The following TFAP2D variants were observed in gnomAD, a reference collection of about 807,000 sequenced individuals.
TFAP2D encodes transcription factor AP-2 delta, also known as transcription factor AP-2-delta.
Under a neutral mutation model 43.6 loss-of-function variants are expected in TFAP2D, and 9 were observed. The observed-to-expected ratio is 0.21, with a 90% CI of 0.12 to 0.36. TFAP2D has a LOEUF of 0.36. TFAP2D is among the 10% of genes least tolerant of loss of function. The probability of loss-of-function intolerance (pLI) is 1.00; values close to 1 mark genes in which losing one functional copy is unlikely to be tolerated. For synonymous variants in TFAP2D, 256 were observed against 224.9 expected (o/e 1.14, Z -1.24); for missense variants, 513 against 561.4 (o/e 0.91, Z 0.87).
intron 2 of TFAP2D, among the ~76,000 whole-genome samples, chr6:50,716,413 C>T (rs1768628553): frequency 7.0e-6 from 1 of 143,350 alleles, no homozygotes; most frequent in Non-Finnish European, 1.5e-5. Context: ...GAGGCAGTAA[C>T]GGTAATGAAA....
In TFAP2D at chr6:50,744,979, G is replaced by T. The variant is rs6929373; in HGVS notation, c.884-128G>T. The T allele has an allele frequency of 0.046, 54,639 of 1,186,138 alleles. 1,452 individuals are homozygous for T. Among genetic ancestry groups the T allele is most frequent in the Non-Finnish European group, 0.048 (41,882 of 868,654 alleles). The allele number at this position is 1,186,138 out of a possible 1,614,324, so 73.5% of individuals were successfully genotyped here. A position where few individuals can be genotyped will look rare whatever the true frequency, so the allele number is the denominator to read the frequency against. Reference sequence around the variant, plus strand: ...TCCCCCCAAAAAGGTCTTTTTTCTTGAATAGTTTAAGTAGGAAAAATGATT... The same window carrying T: ...TCCCCCCAAAAAGGTCTTTTTTCTTTAATAGTTTAAGTAGGAAAAATGATT... On this transcript the variant is annotated intron_variant, in intron 5 of 7. Transcript: ENST00000008391.
At chr6:50,722,550 C>A (rs1361678705) in intron 3 of TFAP2D, among the ~76,000 whole-genome samples, 1 of 151,874 alleles carries the variant, frequency 6.6e-6, no homozygotes, top group African/African-American at 2.4e-5. Context: ...TCCCTTATGG[C>A]CGCCTCCCCT....
intron 7 of TFAP2D, among the ~76,000 whole-genome samples, chr6:50,752,330 A>G (rs1213226530): frequency 1.3e-5 from 2 of 151,954 alleles, no homozygotes; most frequent in African/African-American, 4.8e-5. Context: ...CCCCATATGG[A>G]AGTGAGAAAG....
chr6:50,762,928 C>T lies in TFAP2D; in HGVS notation c.1140-9717C>T, dbSNP rs532149183. Among the ~76,000 whole-genome samples, 8 of 152,110 alleles carry T rather than the reference C, an allele frequency of 5.3e-5. No individual in the cohort carries two copies. The East Asian group carries it at 9.7e-4, about 18-fold the overall frequency. On this transcript the variant is annotated intron_variant, in intron 7 of 7. Coordinates refer to ENST00000008391, the MANE Select transcript of TFAP2D (RefSeq NM_172238.4). ...CCAAGGTAGATGCAGTCTCTAAGTC[C>T]GCCTAGCTATGCTCCAAACCTCAAA...
Position 50,743,485 on chromosome 6 carries a change from A to C in TFAP2D, c.884-1622A>C, listed in dbSNP as rs569621595. Among the ~76,000 whole-genome samples, 7 of 152,144 alleles carry C rather than the reference A, an allele frequency of 4.6e-5. 2 individuals carry two copies. In the South Asian group the frequency reaches 1.5e-3, roughly 32 times the overall value. ...CAGTCTCAACTTCATGGTGTCAAGC[A>C]ATCCTCCGGCCTCAGACTCCTGAGT... On this transcript the variant is annotated intron_variant, in intron 5 of 7. Coordinates refer to ENST00000008391, the MANE Select transcript of TFAP2D (RefSeq NM_172238.4).
chr6:50,744,960 C>G lies in TFAP2D; in HGVS notation c.884-147C>G, dbSNP rs551521679. On this transcript the variant is annotated intron_variant, in intron 5 of 7. Transcript: ENST00000008391. ...TCCTCATTACCTCCCCTCCTCCCCC[C>G]AAAAAGGTCTTTTTTCTTGAATAGT... 3 of 953,244 alleles carry G rather than the reference C, an allele frequency of 3.1e-6. 1 individual carries two copies. Among genetic ancestry groups the G allele is most frequent in the African/African-American group, 3.4e-5 (2 of 59,138 alleles). The allele number at this position is 953,244 out of a possible 1,614,324, so 59.0% of individuals were successfully genotyped here.
intron 5 of TFAP2D, among the ~76,000 whole-genome samples, chr6:50,740,423 TTTTG>T (rs534285386): frequency 7.8e-4 from 119 of 152,036 alleles, no homozygotes; most frequent in Non-Finnish European, 8.7e-4. Flanking sequence ...AAAGAAAGAA[TTTTG>T]TTTGTTTGTT....
intron 7 of TFAP2D, among the ~76,000 whole-genome samples, chr6:50,751,555 T>G (rs2113886329): frequency 6.6e-6 from 1 of 152,034 alleles, no homozygotes; most frequent in Middle Eastern, 3.4e-3. Flanking sequence ...GCAGAGTTAA[T>G]TAGACAAAGG....
At chr6:50,772,529 A>G in intron 7 of TFAP2D, 116 bp from the exon 8 acceptor site, 4 of 868,548 alleles carry the variant, frequency 4.6e-6, no homozygotes, top group Non-Finnish European at 7.2e-6. Flanking sequence ...AGCATCATTT[A>G]GGAACACAAT....
intron 7 of TFAP2D, among the ~76,000 whole-genome samples, chr6:50,769,657 G>A (rs910575901): frequency 2.6e-5 from 4 of 152,180 alleles, no homozygotes; most frequent in Non-Finnish European, 4.4e-5. Context: ...CATCAAGGCT[G>A]CCCAAGTACA....
chr6:50,765,168 C>T (rs1429668182), intron 7 of TFAP2D, among the ~76,000 whole-genome samples: 2 of 152,246 alleles, frequency 1.3e-5, no homozygotes, highest in East Asian at 1.9e-4. Flanking sequence ...ATATAAATGA[C>T]ACCATACAGT....
chr6:50,722,040 G>A (rs1409982655), intron 3 of TFAP2D, among the ~76,000 whole-genome samples: 2 of 152,154 alleles, frequency 1.3e-5, no homozygotes, highest in African/African-American at 4.8e-5. Flanking sequence ...AAATAGCGTC[G>A]CCCTGACTCA....
At chr6:50,724,461 G>T (rs1768776344) in intron 3 of TFAP2D, among the ~76,000 whole-genome samples, 1 of 152,186 alleles carries the variant, frequency 6.6e-6, no homozygotes, top group Admixed American at 6.5e-5. Context: ...GTGGGGCGGC[G>T]CTGTGGCTTT....
Position 50,745,895 on chromosome 6 carries a change from C to T in TFAP2D, c.1025+647C>T, listed in dbSNP as rs538008782. 2.0e-5 allele frequency among the ~76,000 whole-genome samples: 3 copies of T among 151,912 alleles called. No homozygotes were observed. In the South Asian group the frequency reaches 6.2e-4, roughly 32 times the overall value. ...AACGATGTAGACAAATTTGACAATA[C>T]AATAGGAAAGGGGGAAGCTTGCATA... On this transcript the variant is annotated intron_variant, in intron 6 of 7. Transcript: ENST00000008391.
rs187075017 is a variant in TFAP2D at position 50,754,559 on chromosome 6, G to C, written c.1139+3235G>C. On this transcript the variant is annotated intron_variant, in intron 7 of 7. Coordinates refer to ENST00000008391, the MANE Select transcript of TFAP2D (RefSeq NM_172238.4). ...GCTGGATGATATGGAAATTTTATTT[G>C]TCATTTTTTGAGGGCCTATTCTACC... 1.3e-4 allele frequency among the ~76,000 whole-genome samples: 20 copies of C among 151,874 alleles called. No homozygotes were observed. In the East Asian group the frequency reaches 3.9e-3, roughly 30 times the overall value.
chr6:50,725,950 T>C (rs1334439347), intron 3 of TFAP2D, among the ~76,000 whole-genome samples: 1 of 152,148 alleles, frequency 6.6e-6, no homozygotes, highest in Non-Finnish European at 1.5e-5. Context: ...TGCTGTGACA[T>C]AAAAAATAAA....
In TFAP2D at chr6:50,751,084, G is replaced by T. The variant is rs954611222; in HGVS notation, c.1026-127G>T. 6 of 642,898 alleles carry T rather than the reference G, an allele frequency of 9.3e-6. No individual in the cohort carries two copies. The South Asian group carries it at 9.9e-5, about 11-fold the overall frequency. 39.8% of individuals were successfully genotyped at this position (642,898 alleles called of 1,614,324 possible). A position where few individuals can be genotyped will look rare whatever the true frequency, so the allele number is the denominator to read the frequency against. ...TGTATGCTATGAATGGAACTTTTGAGGTTGCTTTATGAAATGTTATCTAGA... is the reference window on the plus strand; with the variant it reads ...TGTATGCTATGAATGGAACTTTTGATGTTGCTTTATGAAATGTTATCTAGA... On this transcript the variant is annotated intron_variant, in intron 6 of 7. Coordinates refer to ENST00000008391, the MANE Select transcript of TFAP2D (RefSeq NM_172238.4).
intron 3 of TFAP2D, among the ~76,000 whole-genome samples, chr6:50,728,140 A>G (rs1768835232): frequency 6.6e-6 from 1 of 152,206 alleles, no homozygotes; most frequent in Non-Finnish European, 1.5e-5. Context: ...AATGACAATG[A>G]CATTTACAAT....
At chr6:50,747,548 C>T (rs112069504) in intron 6 of TFAP2D, among the ~76,000 whole-genome samples, 35 of 152,212 alleles carry the variant, frequency 2.3e-4, no homozygotes, top group Non-Finnish European at 2.1e-4. Flanking sequence ...AGAAACACTT[C>T]ATCTTGTCCT....
Sources: allele counts gnomAD v4.1 joint callset (sites outside exome capture counted in the v4.1 genomes callset), GRCh38; gene constraint gnomAD v4.1.1; transcripts MANE v1.5; gene names NCBI Gene and HGNC (gene_info 2026-07-23, HGNC 2026-07-21).